The following ACSM1 variants were observed in gnomAD, a reference collection of about 807,000 sequenced individuals.
ACSM1 encodes the protein acyl-coenzyme A synthetase ACSM1, mitochondrial.
ACSM1 carries 79 observed loss-of-function variants against 75.8 expected under a neutral mutation model. That is an observed-to-expected ratio of 1.04 (90% CI 0.87 to 1.26). The LOEUF is 1.26. Ranked by LOEUF, ACSM1 falls within the 50% of genes most tolerant of loss-of-function variation. The probability of loss-of-function intolerance (pLI) is 0.00; values close to 1 mark genes in which losing one functional copy is unlikely to be tolerated. For synonymous variants in ACSM1, 279 were observed against 265.8 expected, an observed-to-expected ratio of 1.05 and a Z score of -0.48; for missense variants, 676 against 720.1, an observed-to-expected ratio of 0.94 and a Z score of 0.70.
At chr16:20,689,892 A>C (rs2079621726) in intron 2 of ACSM1, among the ~76,000 whole-genome samples, 1 of 152,138 alleles carries the variant, frequency 6.6e-6, no homozygotes, top group Non-Finnish European at 1.5e-5. Flanking sequence ...CTGGACCCAA[A>C]CCCTGCTCTC....
rs115673507 is a variant in ACSM1 at position 20,628,145 on chromosome 16, G to A, written c.1300-829C>T. Among the ~76,000 whole-genome samples the A allele has an allele frequency of 6.2e-3, 936 of 151,778 alleles. 13 individuals are homozygous for A. The highest frequency in any genetic ancestry group is 0.032 in the South Asian group (153 of 4,792). ...TAACTTTTCATTTTAAGACAAATGT[G>A]GATGGCATGTAGTTATAAAAAATAA... is the stretch of plus-strand genomic sequence containing the variant. On this transcript the variant is annotated intron_variant, in intron 10 of 13. Coordinates refer to ENST00000520010, the MANE Select transcript of ACSM1 (RefSeq NM_001318890.3).
chr16:20,690,483 G>C (rs541770855), intron 2 of ACSM1, among the ~76,000 whole-genome samples: 14 of 152,298 alleles, frequency 9.2e-5, no homozygotes, highest in African/African-American at 3.4e-4. Context: ...TTGACAAGGA[G>C]GAATCTAATT....
intron 7 of ACSM1, among the ~76,000 whole-genome samples, chr16:20,646,504 G>A (rs2018372214): frequency 6.6e-6 from 1 of 152,156 alleles, no homozygotes; most frequent in Non-Finnish European, 1.5e-5. Flanking sequence ...GGCCTTCTCA[G>A]TCTTACCCTC....
chr16:20,672,471 A>AATAT lies in ACSM1; in HGVS notation c.612-804_612-801dup, dbSNP rs1392857890. Among the ~76,000 whole-genome samples, 244 of 64,462 alleles carry AATAT rather than the reference A, an allele frequency of 3.8e-3. 2 individuals carry two copies. Among genetic ancestry groups the AATAT allele is most frequent in the East Asian group, 0.018 (14 of 766 alleles). The allele number at this position is 64,462 out of a possible 152,430, so 42.3% of individuals were successfully genotyped here. On this transcript the variant is annotated intron_variant, in intron 4 of 13. Transcript: ENST00000520010. ...CTCAAAAAAAAAAAAAAAAAAAAAA[A>AATAT]ATATATATATATATATATATATATA...
intron 5 of ACSM1, 46 bp from the exon 6 acceptor site, chr16:20,670,032 G>A (rs2152270247): frequency 1.3e-6 from 2 of 1,597,774 alleles, no homozygotes; most frequent in African/African-American, 1.3e-5. Context: ...CATGGCTGAT[G>A]TGATGAAGGG....
intron 6 of ACSM1, among the ~76,000 whole-genome samples, chr16:20,663,619 A>G (rs908764587): frequency 1.2e-4 from 19 of 152,150 alleles, no homozygotes; most frequent in Non-Finnish European, 4.4e-5. Context: ...AAATGCTGTG[A>G]TTGCTATGTT....
chr16:20,632,257 A>C (rs2152199090), intron 10 of ACSM1, among the ~76,000 whole-genome samples: 1 of 152,338 alleles, frequency 6.6e-6, no homozygotes, highest in Admixed American at 6.5e-5. Flanking sequence ...ATAAAATGGC[A>C]AATAGAAAAA....
At chr16:20,631,847 A>C (rs2017365969) in intron 10 of ACSM1, among the ~76,000 whole-genome samples, 1 of 152,184 alleles carries the variant, frequency 6.6e-6, no homozygotes, top group Admixed American at 6.5e-5. Context: ...GATATAATGG[A>C]CTTTGGGGAC....
At chr16:20,678,561 TC>T (rs2079363272) in intron 4 of ACSM1, among the ~76,000 whole-genome samples, 1 of 152,198 alleles carries the variant, frequency 6.6e-6, no homozygotes, top group South Asian at 2.1e-4. Context: ...GTCAAGGCCT[TC>T]CTCACCGGGA....
At chr16:20,679,619 A>G (rs1323608148) in intron 4 of ACSM1, 1 of 152,170 alleles carries the variant, frequency 6.6e-6, no homozygotes, top group African/African-American at 2.4e-5. Flanking sequence ...CCTATACTAG[A>G]AGGGGAGAAA....
intron 7 of ACSM1, among the ~76,000 whole-genome samples, chr16:20,652,846 C>T (rs1179817647): frequency 6.6e-6 from 1 of 152,150 alleles, no homozygotes; most frequent in Non-Finnish European, 1.5e-5. Context: ...TGGTACCATT[C>T]CTTCTGAAAC....
intron 7 of ACSM1, among the ~76,000 whole-genome samples, chr16:20,655,215 AG>A (rs2018887000): frequency 7.6e-6 from 1 of 131,984 alleles, no homozygotes. Flanking sequence ...ACATGGACAC[AG>A]GAAAGGGAAC....
At chr16:20,655,495 T>G (rs2018909506) in intron 7 of ACSM1, among the ~76,000 whole-genome samples, 2 of 152,116 alleles carry the variant, frequency 1.3e-5, no homozygotes. Flanking sequence ...ATAATAACAT[T>G]AATAAAATAA....
At chr16:20,684,099 T>C (rs1025602557) in intron 3 of ACSM1, among the ~76,000 whole-genome samples, 8 of 152,180 alleles carry the variant, frequency 5.3e-5, no homozygotes, top group Non-Finnish European at 1.0e-4. Flanking sequence ...AAAGAATCTG[T>C]GAGTCACTGA....
At chr16:20,660,093 A>G (rs1217731793) in intron 7 of ACSM1, among the ~76,000 whole-genome samples, 3 of 152,166 alleles carry the variant, frequency 2.0e-5, no homozygotes, top group African/African-American at 7.2e-5. Context: ...GGTCATGGTC[A>G]CTCATATTTA....
chr16:20,685,526 T>A, intron 2 of ACSM1, 123 bp from the exon 3 acceptor site: 2 of 920,518 alleles, frequency 2.2e-6, no homozygotes, highest in Non-Finnish European at 3.5e-6. Context: ...GATCCCATTT[T>A]AAAACATTTA....
At chr16:20,654,492 A>G (rs1395303816) in intron 7 of ACSM1, among the ~76,000 whole-genome samples, 1 of 152,256 alleles carries the variant, frequency 6.6e-6, no homozygotes, top group Non-Finnish European at 1.5e-5. Context: ...AATTTTTGCC[A>G]TCTACTCATC....
At chr16:20,640,783 G>A (rs2018009212) in intron 7 of ACSM1, among the ~76,000 whole-genome samples, 199 bp from the exon 8 acceptor site, 1 of 152,242 alleles carries the variant, frequency 6.6e-6, no homozygotes, top group African/African-American at 2.4e-5. Context: ...CTGGCAGACG[G>A]TGGATGGGTG....
At chr16:20,654,801 G>A (rs1474559962) in intron 7 of ACSM1, among the ~76,000 whole-genome samples, 2 of 152,198 alleles carry the variant, frequency 1.3e-5, no homozygotes, top group Non-Finnish European at 2.9e-5. Flanking sequence ...CTGTTGGTGG[G>A]ACTGTAAATT....
Sources: gnomAD v4.1 joint callset for allele counts (sites outside exome capture counted in the v4.1 genomes callset) on GRCh38, gnomAD v4.1.1 for gene constraint, MANE v1.5 for transcripts, NCBI Gene and HGNC (gene_info 2026-07-23, HGNC 2026-07-21) for gene names.